The following TBC1D23 variants were observed in gnomAD, a reference collection of about 807,000 sequenced individuals.
TBC1D23 encodes the protein HCV non-structural protein 4A-transactivated protein 1.
In TBC1D23, 55 loss-of-function variants were observed where a neutral mutation model predicts 91.4. The observed-to-expected ratio is 0.60, with a 90% CI of 0.48 to 0.75. The LOEUF is 0.75. TBC1D23 is among the 30% of genes least tolerant of loss of function. The pLI is 0.00. For missense variants in TBC1D23, 725 were observed against 836.1 expected, an observed-to-expected ratio of 0.87 and a Z score of 1.64; for synonymous variants, 289 against 281.0, an observed-to-expected ratio of 1.03 and a Z score of -0.28.
intron 4 of TBC1D23, among the ~76,000 whole-genome samples, chr3:100,290,154 C>T (rs2067777258): frequency 6.6e-6 from 1 of 152,188 alleles, no homozygotes; most frequent in Non-Finnish European, 1.5e-5. Flanking sequence ...CTGCCCATTT[C>T]AGACTTGTAC....
chr3:100,291,069 G>A lies in TBC1D23; in HGVS notation c.600+368G>A, dbSNP rs184550285. 4.0e-3 allele frequency among the ~76,000 whole-genome samples: 609 copies of A among 152,128 alleles called. 4 individuals are homozygous for A. Among genetic ancestry groups the A allele is most frequent in the Non-Finnish European group, 4.4e-3 (299 of 67,990 alleles). ...TGAGAACTTTGTTTAAATTGTTGATGGTGTGTATAAGAATTGGTATACAGT... is the reference window on the plus strand; with the variant it reads ...TGAGAACTTTGTTTAAATTGTTGATAGTGTGTATAAGAATTGGTATACAGT... On this transcript the variant is annotated intron_variant, in intron 5 of 18. Transcript: ENST00000394144.
At position 100,301,692 on chromosome 3, in the gene TBC1D23, A is replaced by G. The variant is rs111288544; in HGVS notation, c.1093-375A>G. On this transcript the variant is annotated intron_variant, in intron 10 of 18. Transcript: ENST00000394144. ...TCCTCTAAGAAACACATGGTTTACCATCTAAGGGGAAACTAAAAAATAGAG... is the reference window on the plus strand; with the variant it reads ...TCCTCTAAGAAACACATGGTTTACCGTCTAAGGGGAAACTAAAAAATAGAG... 3.3e-3 allele frequency: 554 copies of G among 165,820 alleles called. 4 individuals are homozygous for G. Among genetic ancestry groups the G allele is most frequent in the African/African-American group, 0.013 (524 of 41,728 alleles). 10.3% of individuals were successfully genotyped at this position (165,820 alleles called of 1,614,324 possible). A position where few individuals can be genotyped will look rare whatever the true frequency, so the allele number is the denominator to read the frequency against.
chr3:100,278,919 G>A (rs1446913256), intron 1 of TBC1D23, among the ~76,000 whole-genome samples: 1 of 151,916 alleles, frequency 6.6e-6, no homozygotes, highest in Non-Finnish European at 1.5e-5. Flanking sequence ...AATACTTATT[G>A]TAGGCTAGGC....
chr3:100,290,719 G>A lies in TBC1D23; in HGVS notation c.600+18G>A. On this transcript the variant is annotated intron_variant, in intron 5 of 18. Coordinates refer to ENST00000394144, the MANE Select transcript of TBC1D23 (RefSeq NM_001199198.3). ...TCAACTGGGTAATAAAGTGAAAGTA[G>A]GAACATTTAATGAAAAATAGATTTA... is the stretch of plus-strand genomic sequence containing the variant. 2.6e-6 allele frequency: 4 copies of A among 1,520,872 alleles called. No individual in the cohort carries two copies. Among genetic ancestry groups the A allele is most frequent in the Non-Finnish European group, 2.7e-6 (3 of 1,129,096 alleles). 94.2% of individuals were successfully genotyped at this position (1,520,872 alleles called of 1,614,324 possible).
At position 100,281,055 on chromosome 3, in the gene TBC1D23, G is replaced by A. The variant is rs180760154; in HGVS notation, c.166-687G>A. Among the ~76,000 whole-genome samples, 710 of 152,260 alleles carry A rather than the reference G, an allele frequency of 4.7e-3. 2 individuals carry two copies. The highest frequency in any genetic ancestry group is 6.3e-3 in the Non-Finnish European group (430 of 68,016). ...GGTGCCTGTAGTATCAGCTACTTGG[G>A]AGGCTGAGGCAGGAGAATCACTTGA... On this transcript the variant is annotated intron_variant, in intron 2 of 18. Transcript: ENST00000394144.
rs1162878875 is a variant in TBC1D23, at chr3:100,279,736, T to C, written c.141T>C (p.Ala47=). Residue 47 remains alanine (A), a synonymous_variant, in exon 2 of 19, where the codon GCT becomes GCC. Coordinates refer to ENST00000394144, the MANE Select transcript of TBC1D23 (RefSeq NM_001199198.3). ...TAATTCAAGGAAGACCGCTGCCTGCTGATCTGAGGGCCAAAGTTTGGAAGG... is the reference window on the plus strand; with the variant it reads ...TAATTCAAGGAAGACCGCTGCCTGCCGATCTGAGGGCCAAAGTTTGGAAGG... ...RNIIQGRPLP[A]DLRAKVWKIA... 6.2e-7 allele frequency: 1 copy of C among 1,601,524 alleles called. No homozygotes were observed. Among genetic ancestry groups the C allele is most frequent in the Admixed American group, 1.7e-5 (1 of 59,846 alleles).
chr3:100,298,709 A>C (rs1705354479), intron 9 of TBC1D23, among the ~76,000 whole-genome samples: 1 of 152,122 alleles, frequency 6.6e-6, no homozygotes, highest in Non-Finnish European at 1.5e-5. Flanking sequence ...CTTTTTTCTT[A>C]TTCAAACTAA....
At position 100,298,083 on chromosome 3, in the gene TBC1D23, A is replaced by G. The variant is rs1217364533; in HGVS notation, c.999+38A>G. 4 of 1,582,704 alleles carry G rather than the reference A, an allele frequency of 2.5e-6. No homozygotes were observed. In the African/African-American group the frequency reaches 4.1e-5, roughly 16 times the overall value. ...AACCCAGTTTGTTAGGGGACTGTTCATTTTAAATACAAGGAACCAACTTCC... is the reference window on the plus strand; with the variant it reads ...AACCCAGTTTGTTAGGGGACTGTTCGTTTTAAATACAAGGAACCAACTTCC... On this transcript the variant is annotated intron_variant, in intron 9 of 18. Coordinates refer to ENST00000394144, the MANE Select transcript of TBC1D23 (RefSeq NM_001199198.3).
chr3:100,315,138 GA>G (rs1196361048), intron 15 of TBC1D23, among the ~76,000 whole-genome samples: 1 of 137,272 alleles, frequency 7.3e-6, no homozygotes, highest in African/African-American at 2.7e-5. Context: ...TCTGCCTTTT[GA>G]AAAAGAGGCA....
At position 100,320,824 on chromosome 3, in the gene TBC1D23, T is replaced by C. The variant is rs764753500; in HGVS notation, c.1871T>C (p.Val624Ala). 2 of 1,610,854 alleles carry C rather than the reference T, an allele frequency of 1.2e-6. No homozygotes were observed. The highest frequency in any genetic ancestry group is 2.2e-5 in the South Asian group (2 of 89,900). ...CATATGTACTGTTTAAGGGAGATTG[T>C]TTCACGGAAAGGATTGGCTTATATA... is the stretch of plus-strand genomic sequence containing the variant. ...ATHMYCLREIVSRKGLAYIQS... is the reference protein window; with the variant it reads ...ATHMYCLREIASRKGLAYIQS... The change falls in exon 18 of 19, where the codon GTT becomes GCT. Residue 624 changes from valine to alanine, a missense_variant. Coordinates refer to ENST00000394144, the MANE Select transcript of TBC1D23 (RefSeq NM_001199198.3).
intron 4 of TBC1D23, among the ~76,000 whole-genome samples, chr3:100,286,672 G>C (rs1220114606): frequency 1.3e-5 from 2 of 151,644 alleles, no homozygotes; most frequent in Admixed American, 6.6e-5. Flanking sequence ...TAATTTTTGT[G>C]TTTTTAGTAG....
At chr3:100,281,969 G>T (rs1407795760) in intron 3 of TBC1D23, 122 bp downstream of exon 3, 2 of 550,120 alleles carry the variant, frequency 3.6e-6, no homozygotes, top group Non-Finnish European at 6.3e-6. Flanking sequence ...AATAGCTTTA[G>T]AACTTTTCTT....
intron 11 of TBC1D23, among the ~76,000 whole-genome samples, chr3:100,304,248 T>C (rs1705480106): frequency 6.6e-6 from 1 of 152,210 alleles, no homozygotes; most frequent in East Asian, 1.9e-4. Context: ...TCCCTGGTAT[T>C]TTCTGTAAGC....
Position 100,319,207 on chromosome 3 carries a change from AC to A in TBC1D23, c.1823+4del. On this transcript the variant is annotated splice_donor_region_variant and intron_variant, in intron 17 of 18. Coordinates refer to ENST00000394144, the MANE Select transcript of TBC1D23 (RefSeq NM_001199198.3). ...GAAAGTGGACACATGTTTCCCAGGT[AC>A]TTTTAAAAATGTCTTCATAAGAAGT... 1 of 1,597,596 alleles carries A rather than the reference AC, an allele frequency of 6.3e-7. No individual in the cohort carries two copies. The highest frequency in any genetic ancestry group is 2.2e-5 in the East Asian group (1 of 44,608).
At chr3:100,309,385 G>T (rs1236980822) in intron 13 of TBC1D23, among the ~76,000 whole-genome samples, 1 of 152,004 alleles carries the variant, frequency 6.6e-6, no homozygotes, top group Non-Finnish European at 1.5e-5. Flanking sequence ...AGATAAGAAA[G>T]GTTAATAGTT....
At chr3:100,265,082 A>C (rs1456615214) in intron 1 of TBC1D23, among the ~76,000 whole-genome samples, 3 of 152,224 alleles carry the variant, frequency 2.0e-5, no homozygotes, top group Non-Finnish European at 4.4e-5. Context: ...ATCACCTTAC[A>C]TGTTATACTA....
intron 11 of TBC1D23, among the ~76,000 whole-genome samples, chr3:100,302,891 T>A (rs1705458223): frequency 6.6e-6 from 1 of 152,172 alleles, no homozygotes; most frequent in African/African-American, 2.4e-5. Flanking sequence ...CCTGGCCTAT[T>A]ATGTTACATT....
At chr3:100,312,856 C>G (rs1309868175) in intron 15 of TBC1D23, among the ~76,000 whole-genome samples, 2 of 152,012 alleles carry the variant, frequency 1.3e-5, no homozygotes, top group Non-Finnish European at 2.9e-5. Context: ...ACTTCACTCT[C>G]TAAGACTATA....
intron 17 of TBC1D23, among the ~76,000 whole-genome samples, chr3:100,319,621 T>G (rs1705815747): frequency 6.6e-6 from 1 of 151,838 alleles, no homozygotes; most frequent in Admixed American, 6.6e-5. Flanking sequence ...AGAGACGGGG[T>G]TTCTCTATGT....
Sources: gnomAD v4.1 joint callset for allele counts (sites outside exome capture counted in the v4.1 genomes callset) on GRCh38, gnomAD v4.1.1 for gene constraint, MANE v1.5 for transcripts, NCBI Gene and HGNC (gene_info 2026-07-23, HGNC 2026-07-21) for gene names.